C10orf67: variants seen among roughly 807,000 people sequenced by gnomAD.
C10orf67 encodes the protein uncharacterized protein C10orf67, mitochondrial.
A neutral mutation model predicts 35.6 loss-of-function variants in C10orf67; 60 were observed. The observed-to-expected ratio is 1.68, with a 90% CI of 1.37 to 2.09. The LOEUF is 2.09. Ranked by LOEUF, C10orf67 falls within the 30% of genes most tolerant of loss-of-function variation. C10orf67 has a pLI of 0.00. For synonymous variants in C10orf67, 167 were observed against 115.8 expected (o/e 1.44, Z -2.84); for missense variants, 474 against 330.2 (o/e 1.44, Z -3.38).
chr10:23,337,409 C>A (rs570553066), intron 1 of C10orf67, among the ~76,000 whole-genome samples: 15 of 152,236 alleles, frequency 9.9e-5, no homozygotes, highest in African/African-American at 3.4e-4. Flanking sequence ...TGGCAAACAC[C>A]TGTAGTCCCA....
At chr10:23,209,146 G>A (rs1274711198) in intron 15 of C10orf67, among the ~76,000 whole-genome samples, 2 of 152,166 alleles carry the variant, frequency 1.3e-5, no homozygotes, top group African/African-American at 2.4e-5. Flanking sequence ...GAGGGGTTAC[G>A]AATGGTCTTG....
At chr10:23,210,259 T>C (rs1339436169) in intron 15 of C10orf67, among the ~76,000 whole-genome samples, 1 of 151,972 alleles carries the variant, frequency 6.6e-6, no homozygotes, top group African/African-American at 2.4e-5. Flanking sequence ...GGGCAGCTGC[T>C]TGCAGAGGAA....
rs528107456 is a variant in C10orf67, at chr10:23,281,397, A to G, written c.975+616T>C. Among the ~76,000 whole-genome samples, 5 of 152,350 alleles carry G rather than the reference A, an allele frequency of 3.3e-5. No homozygotes were observed. In the East Asian group the frequency reaches 9.6e-4, roughly 29 times the overall value. ...TCAAGCACATTTAGAACGCAAGTCA[A>G]GCTGTGTTTTATTTTTTATTATAAT... is the stretch of plus-strand genomic sequence containing the variant. On this transcript the variant is annotated intron_variant, in intron 8 of 15. Transcript: ENST00000636213.
chr10:23,214,809 T>C (rs1194513035), intron 15 of C10orf67, among the ~76,000 whole-genome samples: 9 of 152,094 alleles, frequency 5.9e-5, no homozygotes. Context: ...GATCACTTGA[T>C]GTCAGGAGTT....
chr10:23,308,217 C>T (rs1844361069), intron 4 of C10orf67, among the ~76,000 whole-genome samples: 1 of 152,204 alleles, frequency 6.6e-6, no homozygotes, highest in South Asian at 2.1e-4. Context: ...CTGTACCAAA[C>T]CTCGTCACCT....
intron 2 of C10orf67, among the ~76,000 whole-genome samples, chr10:23,325,073 A>G (rs538973166): frequency 1.7e-4 from 26 of 152,208 alleles, no homozygotes; most frequent in Non-Finnish European, 2.2e-4. Context: ...ATGATGGCTT[A>G]TGCCTGTAAT....
At chr10:23,257,454 A>T (rs1042120263) in intron 10 of C10orf67, among the ~76,000 whole-genome samples, 1 of 152,130 alleles carries the variant, frequency 6.6e-6, no homozygotes, top group Non-Finnish European at 1.5e-5. Context: ...TAGTCAGAGA[A>T]AAGCACTCTG....
chr10:23,305,763 T>C (rs1277831992), intron 4 of C10orf67, among the ~76,000 whole-genome samples: 6 of 152,222 alleles, frequency 3.9e-5, no homozygotes, highest in African/African-American at 1.2e-4. Flanking sequence ...TGGAAAATAG[T>C]ATGGAGGTTC....
Position 23,291,147 on chromosome 10 carries a change from CT to C in C10orf67, c.834del (p.Glu279LysfsTer5), listed in dbSNP as rs1454888834. 7.0e-6 allele frequency: 5 copies of C among 710,746 alleles called. No homozygotes were observed. The East Asian group carries it at 1.3e-4, about 19-fold the overall frequency. 44.0% of individuals were successfully genotyped at this position (710,746 alleles called of 1,614,324 possible). A position where few individuals can be genotyped will look rare whatever the true frequency, so the allele number is the denominator to read the frequency against. ...ELEEEIQINL[K>X]ENSGLEDELI... ...AAAATGTTACCTAATCCTGAATTTT[CT>C]TTTAGATTGATCTGGATTTCTTCTT... On this transcript the variant is annotated frameshift_variant, in exon 6 of 16. Coordinates refer to ENST00000636213, the MANE Select transcript of C10orf67 (RefSeq NM_001371909.1). LOFTEE classifies it high-confidence loss of function.
chr10:23,311,762 T>C (rs1844509387), intron 4 of C10orf67, among the ~76,000 whole-genome samples: 1 of 151,888 alleles, frequency 6.6e-6, no homozygotes, highest in African/African-American at 2.4e-5. Flanking sequence ...AACATCAAAA[T>C]AGTTACTGCC....
intron 15 of C10orf67, among the ~76,000 whole-genome samples, chr10:23,208,112 T>C (rs1841206450): frequency 6.6e-6 from 1 of 152,258 alleles, no homozygotes; most frequent in Non-Finnish European, 1.5e-5. Flanking sequence ...GTTTGGTCTA[T>C]GCAATTTTTG....
At chr10:23,330,079 T>A (rs562915764) in intron 2 of C10orf67, among the ~76,000 whole-genome samples, 6 of 152,302 alleles carry the variant, frequency 3.9e-5, no homozygotes, top group Non-Finnish European at 7.3e-5. Context: ...ATGATTTTTT[T>A]AAATGCCTCT....
chr10:23,334,704 G>A (rs1019391613), intron 1 of C10orf67, among the ~76,000 whole-genome samples: 2 of 152,142 alleles, frequency 1.3e-5, no homozygotes, highest in East Asian at 1.9e-4. Flanking sequence ...GTCTGAAGAG[G>A]GAGACATTAG....
At chr10:23,300,647 T>G (rs1368847257) in intron 5 of C10orf67, among the ~76,000 whole-genome samples, 3 of 152,186 alleles carry the variant, frequency 2.0e-5, no homozygotes, top group Non-Finnish European at 4.4e-5. Flanking sequence ...TTTCTTCCTT[T>G]CCCTGTGTTG....
At chr10:23,309,230 T>C (rs1252680482) in intron 4 of C10orf67, among the ~76,000 whole-genome samples, 2 of 152,182 alleles carry the variant, frequency 1.3e-5, no homozygotes, top group Non-Finnish European at 2.9e-5. Flanking sequence ...TGAAATCATG[T>C]CCTTTGCAGT....
chr10:23,218,512 C>T (rs1469030650), intron 15 of C10orf67, among the ~76,000 whole-genome samples: 1 of 151,936 alleles, frequency 6.6e-6, no homozygotes, highest in Admixed American at 6.6e-5. Context: ...GAAAATATCT[C>T]TAAATAAATG....
chr10:23,225,530 A>G (rs1452290118), intron 13 of C10orf67, among the ~76,000 whole-genome samples: 1 of 152,218 alleles, frequency 6.6e-6, no homozygotes, highest in Non-Finnish European at 1.5e-5. Flanking sequence ...TATTAACCAT[A>G]AATGTAAATG....
intron 2 of C10orf67, among the ~76,000 whole-genome samples, chr10:23,328,993 C>CAAAAAA (rs57772405): frequency 7.1e-3 from 558 of 78,714 alleles, no homozygotes; most frequent in East Asian, 0.017. Context: ...CATAAACGAA[C>CAAAAAA]AAAAAAAAAA....
At chr10:23,243,373 AC>A (rs1842232337) in intron 12 of C10orf67, among the ~76,000 whole-genome samples, 1 of 152,158 alleles carries the variant, frequency 6.6e-6, no homozygotes, top group Non-Finnish European at 1.5e-5. Flanking sequence ...AGAACTCTTC[AC>A]CCATCAGTGA....
Sources: allele counts gnomAD v4.1 joint callset (sites outside exome capture counted in the v4.1 genomes callset), GRCh38; gene constraint gnomAD v4.1.1; transcripts MANE v1.5; gene names NCBI Gene and HGNC (gene_info 2026-07-23, HGNC 2026-07-21).